PCDHGA3: variants seen among roughly 807,000 people sequenced by gnomAD.
PCDHGA3 encodes protocadherin gamma-A3.
A neutral mutation model predicts 58.5 loss-of-function variants in PCDHGA3; 40 were observed. That is an observed-to-expected ratio of 0.68 (90% confidence interval 0.53 to 0.89). The LOEUF is 0.89. Ranked by LOEUF, PCDHGA3 falls within the 40% of genes least tolerant of loss-of-function variation. PCDHGA3 has a pLI of 0.00. For synonymous variants in PCDHGA3, 530 were observed against 525.7 expected, an observed-to-expected ratio of 1.01 and a Z score of -0.11; for missense variants, 1,223 against 1,195.9, an observed-to-expected ratio of 1.02 and a Z score of -0.33.
At chr5:141,387,821 A>C (rs2091106896) in intron 1 of PCDHGA3, 3 of 1,577,920 alleles carry the variant, frequency 1.9e-6, no homozygotes, top group Non-Finnish European at 2.6e-6. Context: ...AAAATCTGCA[A>C]TACAGAGGTT....
Position 141,490,387 on chromosome 5 carries a change from G to C in PCDHGA3, c.2425-4420G>C. 2 of 1,614,196 alleles carry C rather than the reference G, an allele frequency of 1.2e-6. No individual in the cohort carries two copies. The highest frequency in any genetic ancestry group is 1.7e-6 in the Non-Finnish European group (2 of 1,180,034). On this transcript the variant is annotated intron_variant, in intron 1 of 3. Transcript: ENST00000253812. This position sits in a 1 kb window ranked among gnomAD's most constrained non-coding sequence, Gnocchi z 5.4. ...GCGAGACCGGGACTCAGGTAGAAATGGTGAAGTGAGCCTTGATATCTCTCC... is the reference window on the plus strand; with the variant it reads ...GCGAGACCGGGACTCAGGTAGAAATCGTGAAGTGAGCCTTGATATCTCTCC...
rs528779386 is a variant in PCDHGA3, at chr5:141,509,416, C to T, written c.2573-1531C>T. Among the ~76,000 whole-genome samples, 4 of 152,258 alleles carry T rather than the reference C, an allele frequency of 2.6e-5. No individual in the cohort carries two copies. In the East Asian group the frequency reaches 7.7e-4, roughly 29 times the overall value. ...TCTCAGGGCCTCCAGCAGCGAGCCCCAATGAGTCAAACTCTTGTTTCCTCC... is the reference window on the plus strand; with the variant it reads ...TCTCAGGGCCTCCAGCAGCGAGCCCTAATGAGTCAAACTCTTGTTTCCTCC... On this transcript the variant is annotated intron_variant, in intron 3 of 3. Transcript: ENST00000253812.
chr5:141,465,546 T>C (rs572856697), intron 1 of PCDHGA3, among the ~76,000 whole-genome samples: 1 of 152,338 alleles, frequency 6.6e-6, no homozygotes, highest in South Asian at 2.1e-4. Context: ...GCATTTTTTC[T>C]GCTGAAGCTT....
In PCDHGA3 at chr5:141,512,848, G is replaced by C. The variant is rs1362051688; in HGVS notation, c.*1675G>C. The C allele has an allele frequency of 6.6e-6, 1 of 152,216 alleles. No individual in the cohort carries two copies. 9.4% of individuals were successfully genotyped at this position (152,216 alleles called of 1,614,324 possible). ...CCCCGTACTGACTTCTCCTATAAGC[G>C]CTTCTCTTCGCATAGTCACGTAGCT... On this transcript the variant is annotated 3_prime_UTR_variant, in exon 4 of 4. Transcript: ENST00000253812.
Position 141,344,733 on chromosome 5 carries a change from G to C in PCDHGA3, c.700G>C (p.Asp234His). ...GNLHIQVIVL[D>H]ANDNPPMFTQ... ...CTTGCACATCCAAGTGATAGTCCTG[G>C]ATGCAAATGACAACCCACCAATGTT... Residue 234 changes from aspartate (D) to histidine (H), a missense_variant, in exon 1 of 4, where the codon GAT becomes CAT. This residue lies in a region of PCDHGA3 where 791 missense variants were observed against 708.5 expected (regional missense o/e 1.12). Transcript: ENST00000253812. 1 of 1,613,978 alleles carries C rather than the reference G, an allele frequency of 6.2e-7. No homozygotes were observed.
At chr5:141,366,517 C>A (rs1764609891) in intron 1 of PCDHGA3, 1 of 1,614,130 alleles carries the variant, frequency 6.2e-7, no homozygotes, top group Admixed American at 1.7e-5. Flanking sequence ...AGGCTGAAGG[C>A]AGCAGGTTGG....
At chr5:141,385,055 G>A (rs773905363) in intron 1 of PCDHGA3, 3 of 1,614,182 alleles carry the variant, frequency 1.9e-6, no homozygotes, top group South Asian at 1.1e-5. Context: ...CTGCGGCGCT[G>A]GCACAAGTCA....
At chr5:141,399,760 C>T in intron 1 of PCDHGA3, 3 of 1,613,342 alleles carry the variant, frequency 1.9e-6, no homozygotes, top group Non-Finnish European at 2.5e-6. Flanking sequence ...CGTGAGCCTG[C>T]GCGTGTTGGT....
chr5:141,344,108 A>G lies in PCDHGA3; in HGVS notation c.75A>G (p.Glu25=), dbSNP rs757869055. The G allele has an allele frequency of 2.5e-6, 4 of 1,613,966 alleles. No homozygotes were observed. Among genetic ancestry groups the G allele is most frequent in the Non-Finnish European group, 3.4e-6 (4 of 1,179,842 alleles). The stretch of plus-strand genomic sequence containing the variant: ...GCGCGCTCCTGGGGACGCTGTGCGA[A>G]ACAGGATCCGGTCAGATCCGCTACT... The part of the protein sequence containing the change: ...LLCALLGTLC[E]TGSGQIRYSV... Residue 25 remains glutamate (E), a synonymous_variant, in exon 1 of 4, where the codon GAA becomes GAG. Coordinates refer to ENST00000253812, the MANE Select transcript of PCDHGA3 (RefSeq NM_018916.4).
intron 1 of PCDHGA3, chr5:141,357,808 AT>A: frequency 1.3e-6 from 1 of 767,124 alleles, no homozygotes; most frequent in African/African-American, 1.8e-5. Flanking sequence ...AATGTTGTTT[AT>A]TACTTATCCT....
chr5:141,377,556 A>T (rs1171611330), intron 1 of PCDHGA3: 1 of 151,728 alleles, frequency 6.6e-6, no homozygotes, highest in African/African-American at 2.4e-5. Context: ...TAATTGTGTC[A>T]CTGCACCCTA....
chr5:141,511,288 C>G lies in PCDHGA3; in HGVS notation c.*115C>G. ...CTAACCCCCAGAATACTGGTAGGGG[C>G]CAAGGCCATGCTCCCCTTGGGAAAC... On this transcript the variant is annotated 3_prime_UTR_variant, in exon 4 of 4. Transcript: ENST00000253812. 6.6e-7 allele frequency: 1 copy of G among 1,518,266 alleles called. No homozygotes were observed. The highest frequency in any genetic ancestry group is 8.9e-7 in the Non-Finnish European group (1 of 1,129,706). The allele number at this position is 1,518,266 out of a possible 1,614,324, so 94.0% of individuals were successfully genotyped here.
At chr5:141,452,460 G>A (rs750887712) in intron 1 of PCDHGA3, among the ~76,000 whole-genome samples, 1 of 152,140 alleles carries the variant, frequency 6.6e-6, no homozygotes, top group Non-Finnish European at 1.5e-5. Flanking sequence ...GTCAGCAGAC[G>A]GAGCTAGGAA....
chr5:141,403,929 G>A (rs1203236737), intron 1 of PCDHGA3: 5 of 1,613,854 alleles, frequency 3.1e-6, no homozygotes, highest in Non-Finnish European at 4.2e-6. Context: ...GATGGTGGGG[G>A]ATTGAAAGGG....
At chr5:141,427,378 C>T in intron 1 of PCDHGA3, 1 of 458,520 alleles carries the variant, frequency 2.2e-6, no homozygotes, top group Non-Finnish European at 4.4e-6. Context: ...ACGGTGATCA[C>T]TCTGTTCAAA....
intron 1 of PCDHGA3, chr5:141,421,999 TC>T: frequency 9.9e-6 from 16 of 1,609,214 alleles, no homozygotes; most frequent in Non-Finnish European, 1.4e-5. Context: ...AAACATCAGC[TC>T]CGGAACTCGG....
Position 141,417,921 on chromosome 5 carries a change from T to G in PCDHGA3, c.2424+71464T>G, listed in dbSNP as rs771406905. 7.5e-6 allele frequency: 12 copies of G among 1,607,746 alleles called. No homozygotes were observed. The Admixed American group carries it at 1.7e-4, about 23-fold the overall frequency. On this transcript the variant is annotated intron_variant, in intron 1 of 3. Transcript: ENST00000253812. ...CCGCGGCAGGTACTATTTCCTTTGC[T>G]GCTGCCTTTGTTCTACCCCACGCTG...
chr5:141,413,711 A>G (rs752076648), intron 1 of PCDHGA3: 199 of 1,613,564 alleles, frequency 1.2e-4, no homozygotes, highest in Non-Finnish European at 1.4e-4. Context: ...CTCAGCCCCA[A>G]TAAGCACTTC....
chr5:141,377,448 G>A (rs976885039), intron 1 of PCDHGA3: 1 of 151,974 alleles, frequency 6.6e-6, no homozygotes, highest in Non-Finnish European at 1.5e-5. Flanking sequence ...AGAAAAAAAA[G>A]TAGCCAGATG....
Sources: gnomAD v4.1 joint callset for allele counts (sites outside exome capture counted in the v4.1 genomes callset) on GRCh38, gnomAD v4.1.1 for gene constraint, gnomAD v4.1.1 regional missense constraint, Gnocchi (gnomAD v3.1) non-coding constraint, MANE v1.5 for transcripts, NCBI Gene and HGNC (gene_info 2026-07-23, HGNC 2026-07-21) for gene names.